The following VGLL4 variants were observed in gnomAD, a reference collection of about 807,000 sequenced individuals.
The protein encoded by VGLL4 is vestigial like family member 4.
VGLL4 carries 7 observed loss-of-function variants against 21.0 expected under a neutral mutation model. The observed-to-expected ratio is 0.33, with a 90% CI of 0.19 to 0.63. The LOEUF is 0.63. VGLL4 is among the 20% of genes least tolerant of loss of function. The pLI, the probability that VGLL4 is intolerant of heterozygous loss-of-function variation, is 0.78. For synonymous variants in VGLL4, 222 were observed against 173.2 expected (o/e 1.28, Z -2.21); for missense variants, 394 against 425.7 (o/e 0.93, Z 0.66).
intron 2 of VGLL4, chr3:11,671,278 A>T: frequency 1.3e-6 from 2 of 1,597,772 alleles, no homozygotes; most frequent in Non-Finnish European, 1.7e-6. Context: ...GCAGACCTGG[A>T]TGTCTCCAAC....
chr3:11,628,628 A>G (rs9310386), intron 1 of VGLL4, among the ~76,000 whole-genome samples: 87,829 of 150,518 alleles, frequency 0.58, 25,885 homozygotes, highest in Non-Finnish European at 0.64. Flanking sequence ...AGACCATCCT[A>G]GCTAACACGG....
Position 11,569,026 on chromosome 3 carries a change from G to T in VGLL4, c.273-4007C>A. On this transcript the variant is annotated intron_variant, in intron 2 of 4. Coordinates refer to ENST00000430365, the MANE Select transcript of VGLL4 (RefSeq NM_001128219.3). ...GGACAGAGCTTTCTGAGTACTGAAA[G>T]CCACACGCTCTCTAAGCTAAGAAAC... 1.3e-5 allele frequency: 11 copies of T among 816,642 alleles called. No individual in the cohort carries two copies. In the South Asian group the frequency reaches 1.3e-4, roughly 10 times the overall value. The allele number at this position is 816,642 out of a possible 1,614,324, so 50.6% of individuals were successfully genotyped here.
rs567160346 is a variant in VGLL4 at position 11,693,394 on chromosome 3, G to GAATTGGAATAGAAATAGAA, written c.64+9576_64+9577insTTCTATTTCTATTCCAATT. 4.5e-4 allele frequency among the ~76,000 whole-genome samples: 68 copies of GAATTGGAATAGAAATAGAA among 152,234 alleles called. 2 individuals are homozygous for GAATTGGAATAGAAATAGAA. In the East Asian group the frequency reaches 0.011, roughly 26 times the overall value. On this transcript the variant is annotated intron_variant, in intron 2 of 5. Transcript: ENST00000273038. ...AAATGCCCACCATATGCACCAAATGGTAGACGATTGGAATACAAAAGCAGA... is the reference window on the plus strand; with the variant it reads ...AAATGCCCACCATATGCACCAAATGGAATTGGAATAGAAATAGAATAGACGATTGGAATACAAAAGCAGA...
chr3:11,619,460 G>A (rs2075223607), intron 1 of VGLL4, among the ~76,000 whole-genome samples: 1 of 152,216 alleles, frequency 6.6e-6, no homozygotes, highest in Non-Finnish European at 1.5e-5. Flanking sequence ...TCTAAGCAGT[G>A]CAGAATTACA....
chr3:11,619,655 G>T (rs1336161188), intron 1 of VGLL4, among the ~76,000 whole-genome samples: 3 of 152,118 alleles, frequency 2.0e-5, no homozygotes, highest in Non-Finnish European at 2.9e-5. Flanking sequence ...CCACCATAGG[G>T]CTGGGGAAGG....
At chr3:11,591,823 C>T (rs1339284713) in intron 2 of VGLL4, among the ~76,000 whole-genome samples, 2 of 152,194 alleles carry the variant, frequency 1.3e-5, no homozygotes, top group Non-Finnish European at 1.5e-5. Flanking sequence ...ATCAGTTCCT[C>T]GGTGACGATC....
chr3:11,650,200 G>T (rs1366425888), intron 2 of VGLL4, among the ~76,000 whole-genome samples: 1 of 152,170 alleles, frequency 6.6e-6, no homozygotes, highest in Non-Finnish European at 1.5e-5. Context: ...CTCCCAAAGT[G>T]CTGGGATTAC....
intron 2 of VGLL4, among the ~76,000 whole-genome samples, chr3:11,596,488 G>C (rs746982764): frequency 6.6e-6 from 1 of 152,184 alleles, no homozygotes; most frequent in Non-Finnish European, 1.5e-5. Flanking sequence ...TGTGGATGTA[G>C]TTCTTACTGG....
chr3:11,564,406 C>CA (rs894377008), intron 3 of VGLL4, among the ~76,000 whole-genome samples: 1 of 11,296 alleles, frequency 8.9e-5, no homozygotes. Flanking sequence ...AAACGTAGGA[C>CA]CCCCCCACCC....
At chr3:11,615,755 C>T (rs1426068166) in intron 1 of VGLL4, among the ~76,000 whole-genome samples, 1 of 152,118 alleles carries the variant, frequency 6.6e-6, no homozygotes, top group Admixed American at 6.5e-5. Flanking sequence ...AAGACAGGGT[C>T]CCCAGATACA....
At position 11,694,686 on chromosome 3, in the gene VGLL4, T is replaced by C. The variant is rs370558658; in HGVS notation, c.64+8285A>G. 2.6e-5 allele frequency among the ~76,000 whole-genome samples: 4 copies of C among 151,190 alleles called. No individual in the cohort carries two copies. The South Asian group carries it at 6.3e-4, about 24-fold the overall frequency. ...TAACTGAGGCATTTGCACTAAGAAA[T>C]AGTCAAATTATGTCACCACAACCTG... On this transcript the variant is annotated intron_variant, in intron 2 of 5. Coordinates refer to the VGLL4 transcript ENST00000273038.
chr3:11,714,113 T>A (rs138544257), intron 1 of VGLL4, among the ~76,000 whole-genome samples: 2 of 152,186 alleles, frequency 1.3e-5, no homozygotes, highest in African/African-American at 2.4e-5. Context: ...TGTATGAAAG[T>A]TGATCATGTA....
In VGLL4 at chr3:11,591,826, T is replaced by G. The variant is rs76643939; in HGVS notation, c.272+10007A>C. On this transcript the variant is annotated intron_variant, in intron 2 of 4. Transcript: ENST00000430365. ...ACCTCACAGAGAATCAGTTCCTCGGTGACGATCCTCCCTAATGGGAATGGA... is the reference window on the plus strand; with the variant it reads ...ACCTCACAGAGAATCAGTTCCTCGGGGACGATCCTCCCTAATGGGAATGGA... Among the ~76,000 whole-genome samples, 132 of 152,312 alleles carry G rather than the reference T, an allele frequency of 8.7e-4. 1 individual carries two copies. The highest frequency in any genetic ancestry group is 3.1e-3 in the African/African-American group (128 of 41,568).
intron 1 of VGLL4, among the ~76,000 whole-genome samples, chr3:11,627,692 T>C (rs925235745): frequency 1.6e-4 from 25 of 152,190 alleles, no homozygotes; most frequent in Non-Finnish European, 7.3e-5. Flanking sequence ...ATTACTTATT[T>C]AGATGTGTAG....
At chr3:11,720,088 G>A (rs1161747355) in intron 1 of VGLL4, among the ~76,000 whole-genome samples, 1 of 152,000 alleles carries the variant, frequency 6.6e-6, no homozygotes, top group African/African-American at 2.4e-5. Context: ...GGGGGACAGC[G>A]CACGGGACGC....
chr3:11,717,362 A>G (rs2076933452), intron 1 of VGLL4, among the ~76,000 whole-genome samples: 1 of 152,092 alleles, frequency 6.6e-6, no homozygotes, highest in African/African-American at 2.4e-5. Context: ...CTGCACAGCA[A>G]AACTCTCCAA....
intron 2 of VGLL4, among the ~76,000 whole-genome samples, chr3:11,596,802 T>C (rs773026261): frequency 3.3e-5 from 5 of 152,198 alleles, no homozygotes; most frequent in Non-Finnish European, 7.3e-5. Flanking sequence ...GCTGTACTAT[T>C]AGACAAATCA....
intron 1 of VGLL4, 96 bp downstream of exon 1, chr3:11,643,341 G>T (rs949118495): frequency 1.3e-6 from 2 of 1,594,230 alleles, no homozygotes; most frequent in African/African-American, 1.3e-5. Flanking sequence ...ACACCCCGGA[G>T]GAGGACAGCG....
chr3:11,582,444 A>T (rs1185070452), intron 2 of VGLL4: 2 of 1,428,434 alleles, frequency 1.4e-6, no homozygotes, highest in African/African-American at 1.4e-5. Context: ...GTTGCGAGGT[A>T]AGGGGCCTGC....
Sources: gnomAD v4.1 joint callset for allele counts (sites outside exome capture counted in the v4.1 genomes callset) on GRCh38, gnomAD v4.1.1 for gene constraint, MANE v1.5 for transcripts, NCBI Gene and HGNC (gene_info 2026-07-23, HGNC 2026-07-21) for gene names.